Variants in ST6GALNAC3 observed in about 807,000 individuals in gnomAD.
ST6GALNAC3 encodes alpha-N-acetylgalactosaminide alpha-2,6-sialyltransferase 3.
Under a neutral mutation model 32.7 loss-of-function variants are expected in ST6GALNAC3, and 25 were observed. The observed-to-expected ratio is 0.76, with a 90% CI of 0.56 to 1.07. The LOEUF is 1.07. ST6GALNAC3 is among the 50% of genes least tolerant of loss of function. The pLI is 0.00. For synonymous variants in ST6GALNAC3, 129 were observed against 133.1 expected, an observed-to-expected ratio of 0.97 and a Z score of 0.21; for missense variants, 355 against 382.4, an observed-to-expected ratio of 0.93 and a Z score of 0.60.
chr1:76,094,210 A>T (rs1462763213), intron 1 of ST6GALNAC3, among the ~76,000 whole-genome samples: 1 of 152,182 alleles, frequency 6.6e-6, no homozygotes, highest in Non-Finnish European at 1.5e-5. Context: ...GTGTTCATCT[A>T]TGGAGGGAAC....
chr1:76,529,336 G>C (rs1663110253), intron 3 of ST6GALNAC3, among the ~76,000 whole-genome samples: 1 of 152,062 alleles, frequency 6.6e-6, no homozygotes, highest in South Asian at 2.1e-4. Context: ...ATCAGAAGCA[G>C]GAACCTTTTC....
At chr1:76,556,868 T>C (rs1664958322) in intron 3 of ST6GALNAC3, among the ~76,000 whole-genome samples, 1 of 152,136 alleles carries the variant, frequency 6.6e-6, no homozygotes, top group Non-Finnish European at 1.5e-5. Flanking sequence ...ATGTTTTTAA[T>C]TTTGATAAAT....
intron 1 of ST6GALNAC3, among the ~76,000 whole-genome samples, chr1:76,114,834 G>A (rs11584597): frequency 0.1 from 15,399 of 150,822 alleles, 1,050 homozygotes; most frequent in Non-Finnish European, 0.14. Context: ...CGGGAGAATC[G>A]CTTGAACCGG....
intron 1 of ST6GALNAC3, among the ~76,000 whole-genome samples, chr1:76,172,369 A>G (rs1652574040): frequency 6.6e-6 from 1 of 152,222 alleles, no homozygotes; most frequent in African/African-American, 2.4e-5. Flanking sequence ...TGACAAACCC[A>G]CAGACAATAT....
chr1:76,597,886 C>T (rs1027703196), intron 3 of ST6GALNAC3, among the ~76,000 whole-genome samples: 24 of 152,090 alleles, frequency 1.6e-4, no homozygotes, highest in African/African-American at 5.8e-4. Flanking sequence ...TCCTCTCCGC[C>T]AGGCCCTGAT....
intron 3 of ST6GALNAC3, among the ~76,000 whole-genome samples, chr1:76,414,773 T>G (rs1017731254): frequency 1.3e-5 from 2 of 152,090 alleles, no homozygotes; most frequent in African/African-American, 4.8e-5. Flanking sequence ...TATAAATATT[T>G]TGGTGTATAC....
At chr1:76,262,877 CTCTTGGATTCATGTTTATTATA>C (rs1023556555) in intron 1 of ST6GALNAC3, among the ~76,000 whole-genome samples, 11 of 152,216 alleles carry the variant, frequency 7.2e-5, no homozygotes, top group South Asian at 2.1e-4. Flanking sequence ...ATTTCACAAC[CTCTTGGATTCATGTTTATTATA>C]TCCTGGATGA....
chr1:76,345,460 C>T (rs1648424826), intron 2 of ST6GALNAC3, among the ~76,000 whole-genome samples: 1 of 152,050 alleles, frequency 6.6e-6, no homozygotes, highest in Non-Finnish European at 1.5e-5. Context: ...AGTGGGTAAA[C>T]AGCCTGTTAG....
chr1:76,321,519 A>G (rs1257389493), intron 2 of ST6GALNAC3, among the ~76,000 whole-genome samples: 1 of 152,166 alleles, frequency 6.6e-6, no homozygotes, highest in Non-Finnish European at 1.5e-5. Flanking sequence ...GATATATTGT[A>G]GTTATTTTAC....
chr1:76,424,144 G>GGAGT (rs1655214948), intron 3 of ST6GALNAC3, among the ~76,000 whole-genome samples: 1 of 151,910 alleles, frequency 6.6e-6, no homozygotes, highest in South Asian at 2.1e-4. Context: ...GTTTTATTTA[G>GGAGT]GAGTGCATTA....
At position 76,627,598 on chromosome 1, in the gene ST6GALNAC3, C is replaced by G. The variant is rs377350115; in HGVS notation, c.731+39C>G. On this transcript the variant is annotated intron_variant, in intron 4 of 4. Transcript: ENST00000328299. ...AAATTATTTTTATGCAGCTCCAATT[C>G]GGAGATCTTGTCAAAATATCACAAT... 5 of 1,391,988 alleles carry G rather than the reference C, an allele frequency of 3.6e-6. No individual in the cohort carries two copies. In the East Asian group the frequency reaches 1.1e-4, roughly 32 times the overall value. 86.2% of individuals were successfully genotyped at this position (1,391,988 alleles called of 1,614,324 possible). A position where few individuals can be genotyped will look rare whatever the true frequency, so the allele number is the denominator to read the frequency against.
At chr1:76,383,605 G>T (rs1466297089) in intron 2 of ST6GALNAC3, among the ~76,000 whole-genome samples, 2 of 151,982 alleles carry the variant, frequency 1.3e-5, no homozygotes, top group African/African-American at 4.8e-5. Context: ...AGCTGCTCAG[G>T]CAAAAGAACA....
At position 76,623,632 on chromosome 1, in the gene ST6GALNAC3, G is replaced by A. The variant is rs530994035; in HGVS notation, c.624-3820G>A. On this transcript the variant is annotated intron_variant, in intron 3 of 4. Coordinates refer to ENST00000328299, the MANE Select transcript of ST6GALNAC3 (RefSeq NM_152996.4). ...AGGATATCCTTTAAGAATTTTTAAG[G>A]CATTTGATAGTTATCACTTTAAGGC... 2.0e-5 allele frequency among the ~76,000 whole-genome samples: 3 copies of A among 152,022 alleles called. No individual in the cohort carries two copies. The East Asian group carries it at 5.8e-4, about 29-fold the overall frequency.
At chr1:76,314,102 C>T (rs1291549105) in intron 2 of ST6GALNAC3, 103 bp downstream of exon 2, 2 of 1,116,342 alleles carry the variant, frequency 1.8e-6, no homozygotes, top group Non-Finnish European at 2.5e-6. Flanking sequence ...CTCTGTCTGC[C>T]CCGGAGAGCT....
intron 3 of ST6GALNAC3, among the ~76,000 whole-genome samples, chr1:76,486,841 C>T (rs774316294): frequency 2.0e-5 from 3 of 152,198 alleles, no homozygotes; most frequent in Non-Finnish European, 4.4e-5. Context: ...TACAATTTGG[C>T]ATGTTTCTGC....
intron 3 of ST6GALNAC3, among the ~76,000 whole-genome samples, chr1:76,600,863 A>G (rs781070589): frequency 8.5e-5 from 13 of 152,168 alleles, no homozygotes; most frequent in Non-Finnish European, 1.6e-4. Context: ...AACAAGATAT[A>G]TTGAGGCCAA....
intron 1 of ST6GALNAC3, among the ~76,000 whole-genome samples, chr1:76,079,172 A>T (rs1391786195): frequency 1.3e-5 from 2 of 152,162 alleles, no homozygotes; most frequent in African/African-American, 4.8e-5. Context: ...GCTCCAGGAG[A>T]CAGATTACAG....
intron 1 of ST6GALNAC3, among the ~76,000 whole-genome samples, chr1:76,168,936 C>T (rs892598739): frequency 6.6e-6 from 1 of 152,112 alleles, no homozygotes; most frequent in South Asian, 2.1e-4. Context: ...TTACCTGGGG[C>T]ACTTAGCCCA....
In ST6GALNAC3 at chr1:76,176,849, G is replaced by A. The variant is rs145070475; in HGVS notation, c.18+101965G>A. Among the ~76,000 whole-genome samples the A allele has an allele frequency of 7.9e-5, 12 of 152,258 alleles. No individual in the cohort carries two copies. The East Asian group carries it at 2.1e-3, about 27-fold the overall frequency. On this transcript the variant is annotated intron_variant, in intron 1 of 4. Coordinates refer to ENST00000328299, the MANE Select transcript of ST6GALNAC3 (RefSeq NM_152996.4). ...AATTTTAGTTTTATAAAAGAGTTCT[G>A]GAGGTAGATGGTGGTAATGATTGCA...
Sources: allele counts gnomAD v4.1 joint callset (sites outside exome capture counted in the v4.1 genomes callset), GRCh38; gene constraint gnomAD v4.1.1; transcripts MANE v1.5; gene names NCBI Gene and HGNC (gene_info 2026-07-23, HGNC 2026-07-21).